FILIP1: variants seen among roughly 807,000 people sequenced by gnomAD.
The protein encoded by FILIP1 is filamin-A-interacting protein 1.
A neutral mutation model predicts 102.1 loss-of-function variants in FILIP1; 61 were observed. That is an observed-to-expected ratio of 0.60 (90% CI 0.49 to 0.74). The LOEUF (loss-of-function observed/expected upper bound fraction) is 0.74, where lower values mean the gene tolerates loss of function less well. FILIP1 is among the 30% of genes least tolerant of loss of function. The pLI, the probability that FILIP1 is intolerant of heterozygous loss-of-function variation, is 0.00. For missense variants in FILIP1, 1,314 were observed against 1,441.2 expected (o/e 0.91, Z 1.43); for synonymous variants, 491 against 526.9 (o/e 0.93, Z 0.93).
At chr6:75,317,531 A>AT (rs1223961056) in intron 4 of FILIP1, among the ~76,000 whole-genome samples, 11 of 152,304 alleles carry the variant, frequency 7.2e-5, no homozygotes, top group African/African-American at 2.6e-4. Context: ...TATTTTTGTC[A>AT]TTATCCTGTC....
At chr6:75,492,727 T>C (rs934090554) in intron 1 of FILIP1, among the ~76,000 whole-genome samples, 5 of 151,870 alleles carry the variant, frequency 3.3e-5, no homozygotes, top group Non-Finnish European at 5.9e-5. Context: ...AAATAGAATC[T>C]GTTATATCTA....
intron 1 of FILIP1, among the ~76,000 whole-genome samples, chr6:75,439,010 C>T (rs1177025448): frequency 2.0e-5 from 3 of 152,160 alleles, no homozygotes; most frequent in South Asian, 2.1e-4. Flanking sequence ...ATGTGATAGG[C>T]CAATATTATA....
intron 3 of FILIP1, among the ~76,000 whole-genome samples, chr6:75,355,990 T>C (rs1774983292): frequency 6.6e-6 from 1 of 152,200 alleles, no homozygotes; most frequent in Non-Finnish European, 1.5e-5. Context: ...GTCCACTAGA[T>C]GCCAGTAAGC....
chr6:75,308,861 TG>T lies in FILIP1; in HGVS notation c.3471del (p.Thr1158ProfsTer9). 1 of 1,614,056 alleles carries T rather than the reference TG, an allele frequency of 6.2e-7. No homozygotes were observed. The highest frequency in any genetic ancestry group is 8.5e-7 in the Non-Finnish European group (1 of 1,179,992). On this transcript the variant is annotated frameshift_variant, in exon 6 of 6. Coordinates refer to ENST00000237172, the MANE Select transcript of FILIP1 (RefSeq NM_015687.5). LOFTEE classifies it high-confidence loss of function. The part of the protein sequence containing the change: ...GQDGSSQRPT[P>X]TRIPMSKGMK... ...ATACCTTTTGACATAGGAATGCGGGTGGGTGTAGGCCGCTGGGATGACCCGT... is the reference window on the plus strand; with the variant it reads ...ATACCTTTTGACATAGGAATGCGGGTGGTGTAGGCCGCTGGGATGACCCGT...
chr6:75,457,863 T>C (rs1163524837), intron 1 of FILIP1, among the ~76,000 whole-genome samples: 2 of 152,200 alleles, frequency 1.3e-5, no homozygotes, highest in African/African-American at 2.4e-5. Flanking sequence ...CCTTTAATTA[T>C]TCTAATATGG....
chr6:75,358,801 C>A (rs1413007454), intron 3 of FILIP1, among the ~76,000 whole-genome samples: 4 of 152,068 alleles, frequency 2.6e-5, no homozygotes, highest in Admixed American at 2.6e-4. Flanking sequence ...CGGCTCACTG[C>A]AACCTTTGCC....
chr6:75,413,803 T>A (rs1777160213), intron 2 of FILIP1, among the ~76,000 whole-genome samples: 1 of 149,696 alleles, frequency 6.7e-6, no homozygotes, highest in South Asian at 2.1e-4. Flanking sequence ...AAAAAAAGTA[T>A]TGTTCCTCTA....
chr6:75,366,023 C>T (rs2951950), intron 2 of FILIP1: 111,624 of 152,052 alleles, frequency 0.73, 41,416 homozygotes, highest in African/African-American at 0.85. Flanking sequence ...TGGCATTGTC[C>T]TGATTTCTTT....
At position 75,308,823 on chromosome 6, in the gene FILIP1, C is replaced by T; in HGVS notation, c.3510G>A (p.Lys1170=). ...CTGCTCCTGGGGCTGCCACTACTGG[C>T]TTTCCTGCTTTCATACCTTTTGACA... ...IPMSKGMKAG[K]PVVAAPGAGN... Residue 1170 remains lysine (K), a synonymous_variant, in exon 6 of 6, where the codon AAG becomes AAA. Coordinates refer to ENST00000237172, the MANE Select transcript of FILIP1 (RefSeq NM_015687.5). The T allele has an allele frequency of 6.2e-7, 1 of 1,614,142 alleles. No homozygotes were observed.
intron 2 of FILIP1, among the ~76,000 whole-genome samples, chr6:75,408,321 G>T (rs1015226926): frequency 6.6e-6 from 1 of 152,188 alleles, no homozygotes; most frequent in African/African-American, 2.4e-5. Flanking sequence ...TTCAAGACAA[G>T]GGTCACATTA....
At chr6:75,329,258 T>C (rs1773980728) in intron 4 of FILIP1, among the ~76,000 whole-genome samples, 1 of 152,220 alleles carries the variant, frequency 6.6e-6, no homozygotes, top group Admixed American at 6.5e-5. Context: ...CCTCTCTTTC[T>C]TGGAATAAAG....
intron 1 of FILIP1, among the ~76,000 whole-genome samples, chr6:75,461,411 T>C (rs1436994629): frequency 6.6e-6 from 1 of 152,216 alleles, no homozygotes; most frequent in Non-Finnish European, 1.5e-5. Flanking sequence ...ATAGAATTTT[T>C]CCTTTGCCTA....
At chr6:75,344,658 G>A (rs1774519209) in intron 4 of FILIP1, among the ~76,000 whole-genome samples, 1 of 152,214 alleles carries the variant, frequency 6.6e-6, no homozygotes, top group Admixed American at 6.5e-5. Context: ...CCTTTGTCCA[G>A]GACAGTTGTC....
At chr6:75,301,247 G>C (rs979614588) in intron 6 of FILIP1, among the ~76,000 whole-genome samples, 3 of 152,160 alleles carry the variant, frequency 2.0e-5, no homozygotes, top group African/African-American at 7.2e-5. Context: ...AGATGTCTTA[G>C]TAGCTCAAAA....
intron 2 of FILIP1, among the ~76,000 whole-genome samples, chr6:75,368,704 G>A (rs917813522): frequency 1.3e-5 from 2 of 152,140 alleles, no homozygotes; most frequent in African/African-American, 4.8e-5. Context: ...GCCCAGGCAA[G>A]ACTATACAAA....
chr6:75,349,410 A>G (rs1397295907), intron 4 of FILIP1, among the ~76,000 whole-genome samples: 1 of 149,732 alleles, frequency 6.7e-6, no homozygotes, highest in South Asian at 2.1e-4. Flanking sequence ...GACAGCCTGC[A>G]GAGTCTCACC....
intron 1 of FILIP1, among the ~76,000 whole-genome samples, chr6:75,449,391 T>TATC (rs1341137403): frequency 6.6e-6 from 1 of 152,084 alleles, no homozygotes; most frequent in Non-Finnish European, 1.5e-5. Flanking sequence ...ACTGCTCGGG[T>TATC]GATGGGTGCA....
intron 1 of FILIP1, among the ~76,000 whole-genome samples, chr6:75,449,114 G>A (rs1302881830): frequency 6.6e-6 from 1 of 152,156 alleles, no homozygotes; most frequent in Non-Finnish European, 1.5e-5. Context: ...TAAAGAAATT[G>A]TGGTATATAT....
At chr6:75,408,516 T>C (rs1025179084) in intron 2 of FILIP1, among the ~76,000 whole-genome samples, 1 of 152,234 alleles carries the variant, frequency 6.6e-6, no homozygotes, top group Non-Finnish European at 1.5e-5. Flanking sequence ...GTTTATAATA[T>C]TGGCTCAACA....
Sources: gnomAD v4.1 joint callset for allele counts (sites outside exome capture counted in the v4.1 genomes callset) on GRCh38, gnomAD v4.1.1 for gene constraint, MANE v1.5 for transcripts, NCBI Gene and HGNC (gene_info 2026-07-23, HGNC 2026-07-21) for gene names.